Variants in MSH3 observed in about 807,000 individuals in gnomAD.
The protein encoded by MSH3 is DNA mismatch repair protein Msh3.
Under a neutral mutation model 123.3 loss-of-function variants are expected in MSH3, and 106 were observed. The ratio of observed to expected loss-of-function variants is 0.86; its 90% CI spans 0.73 to 1.01. The LOEUF is 1.01. Ranked by LOEUF, MSH3 falls within the 50% of genes least tolerant of loss-of-function variation. The pLI is 0.00. For missense variants in MSH3, 1,459 were observed against 1,347.6 expected (o/e 1.08, Z -1.29); for synonymous variants, 515 against 481.4 (o/e 1.07, Z -0.91).
chr5:80,753,583 G>C (rs1287950399), intron 12 of MSH3, among the ~76,000 whole-genome samples: 1 of 152,146 alleles, frequency 6.6e-6, no homozygotes, highest in Non-Finnish European at 1.5e-5. Flanking sequence ...ATGCTAATGT[G>C]TTCGTTAACA....
chr5:80,670,073 C>G (rs1383680103), intron 3 of MSH3, 24 bp from the exon 4 acceptor site: 1 of 1,607,292 alleles, frequency 6.2e-7, no homozygotes, highest in African/African-American at 1.3e-5. Context: ...ATTTTTAAAA[C>G]TTTATACATC....
At position 80,768,874 on chromosome 5, in the gene MSH3, C is replaced by G; in HGVS notation, c.2124C>G (p.Asp708Glu). ...DKTELFKDLS[D>E]FPLIKKRKDE... ...CTGAATTATTTAAAGACCTTTCTGA[C>G]TTCCCTTTAATAAAAAAGAGGAAGG... Residue 708 changes from aspartate to glutamate, a missense_variant, in exon 15 of 24, where the codon GAC (aspartate) becomes GAG (glutamate). Asp to Glu is a conservative substitution (Grantham distance 45). Coordinates refer to ENST00000265081, the MANE Select transcript of MSH3 (RefSeq NM_002439.5). 2 of 1,611,252 alleles carry G rather than the reference C, an allele frequency of 1.2e-6. No homozygotes were observed. The highest frequency in any genetic ancestry group is 1.7e-6 in the Non-Finnish European group (2 of 1,177,778).
chr5:80,789,736 G>T (rs1744576210), intron 18 of MSH3, among the ~76,000 whole-genome samples: 1 of 152,150 alleles, frequency 6.6e-6, no homozygotes. Context: ...TATTTAAGAA[G>T]AATAATTTAG....
intron 9 of MSH3, among the ~76,000 whole-genome samples, chr5:80,727,165 C>T (rs1004107101): frequency 6.6e-6 from 1 of 152,214 alleles, no homozygotes; most frequent in East Asian, 1.9e-4. Context: ...TAATTCTTCT[C>T]AGTCCAGATG....
chr5:80,662,312 A>G (rs950859621), intron 2 of MSH3, among the ~76,000 whole-genome samples: 3 of 152,204 alleles, frequency 2.0e-5, no homozygotes, highest in Non-Finnish European at 4.4e-5. Flanking sequence ...TGTGCACACA[A>G]TGATGAAATC....
intron 17 of MSH3, 101 bp downstream of exon 17, chr5:80,778,937 C>A: frequency 2.7e-6 from 2 of 751,102 alleles, no homozygotes; most frequent in Non-Finnish European, 4.8e-6. Context: ...AGCTCATGAC[C>A]CACCATAAAA....
At chr5:80,749,045 G>T (rs1427900802) in intron 12 of MSH3, among the ~76,000 whole-genome samples, 1 of 151,890 alleles carries the variant, frequency 6.6e-6, no homozygotes. Context: ...AAAAAAATTT[G>T]TAAAGTTTTA....
intron 20 of MSH3, among the ~76,000 whole-genome samples, chr5:80,846,974 C>G (rs1182869041): frequency 6.6e-6 from 1 of 152,082 alleles, no homozygotes; most frequent in Non-Finnish European, 1.5e-5. Context: ...GTTGGAAATG[C>G]AGAAATCACA....
Position 80,707,945 on chromosome 5 carries a change from A to G in MSH3, c.1341-17508A>G, listed in dbSNP as rs114243799. On this transcript the variant is annotated intron_variant, in intron 8 of 23. Coordinates refer to ENST00000265081, the MANE Select transcript of MSH3 (RefSeq NM_002439.5). ...TGACTAGTGATGTTTTCATGTGCCT[A>G]TTGGTTATTCATTTATGTATCTCTT... Among the ~76,000 whole-genome samples, 365 of 152,196 alleles carry G rather than the reference A, an allele frequency of 2.4e-3. 2 individuals carry two copies. The highest frequency in any genetic ancestry group is 4.1e-3 in the Admixed American group (63 of 15,282).
intron 20 of MSH3, among the ~76,000 whole-genome samples, chr5:80,831,278 T>A (rs1745413069): frequency 6.6e-6 from 1 of 152,226 alleles, no homozygotes; most frequent in Non-Finnish European, 1.5e-5. Context: ...AACATTTGTT[T>A]TTCTAATTAC....
intron 20 of MSH3, among the ~76,000 whole-genome samples, chr5:80,820,686 C>CT (rs1331908615): frequency 6.6e-6 from 1 of 152,168 alleles, no homozygotes; most frequent in African/African-American, 2.4e-5. Flanking sequence ...TGGAGCTTAA[C>CT]TAAGTTTTGC....
chr5:80,755,838 G>GTGTC lies in MSH3; in HGVS notation c.1764-5707_1764-5706insGTCT, dbSNP rs1332988374. On this transcript the variant is annotated intron_variant, in intron 12 of 23. Transcript: ENST00000265081. ...AACGTGAGACACTCAAAGGACTGTG[G>GTGTC]TCTCAGTAGAGAGGTGACAAATACG... 6.6e-5 allele frequency among the ~76,000 whole-genome samples: 10 copies of GTGTC among 152,232 alleles called. No individual in the cohort carries two copies. In the East Asian group the frequency reaches 1.9e-3, roughly 29 times the overall value.
intron 19 of MSH3, 143 bp from the exon 20 acceptor site, chr5:80,813,441 G>C: frequency 1.3e-6 from 1 of 798,344 alleles, no homozygotes; most frequent in East Asian, 2.7e-5. Context: ...AGTTCAGGTT[G>C]AAGACAGAGG....
At chr5:80,690,128 A>C (rs6864512) in intron 8 of MSH3, among the ~76,000 whole-genome samples, 69,063 of 151,928 alleles carry the variant, frequency 0.45, 15,800 homozygotes, top group East Asian at 0.63. Flanking sequence ...TATTTTGCCC[A>C]GGCTGGTCTC....
intron 20 of MSH3, among the ~76,000 whole-genome samples, chr5:80,831,618 C>G (rs1470482677): frequency 1.3e-5 from 2 of 151,816 alleles, no homozygotes; most frequent in East Asian, 1.9e-4. Flanking sequence ...CTTCCTTATA[C>G]CATCCTTCTT....
intron 8 of MSH3, among the ~76,000 whole-genome samples, chr5:80,714,296 C>T (rs911033975): frequency 4.0e-5 from 6 of 151,668 alleles, no homozygotes; most frequent in East Asian, 1.9e-4. Context: ...CCATCACACT[C>T]GGCTCATTTT....
At chr5:80,818,146 G>A (rs180937026) in intron 20 of MSH3, among the ~76,000 whole-genome samples, 1 of 152,234 alleles carries the variant, frequency 6.6e-6, no homozygotes, top group East Asian at 1.9e-4. Context: ...TTGAACTGGG[G>A]AGGTGGAGGT....
chr5:80,742,857 C>T (rs932540556), intron 11 of MSH3, among the ~76,000 whole-genome samples: 2 of 152,148 alleles, frequency 1.3e-5, no homozygotes, highest in African/African-American at 4.8e-5. Flanking sequence ...GCATTGTAAG[C>T]GTTCCCTGCT....
chr5:80,826,673 C>T lies in MSH3; in HGVS notation c.2813+12932C>T, dbSNP rs969713220. Among the ~76,000 whole-genome samples, 3 of 151,828 alleles carry T rather than the reference C, an allele frequency of 2.0e-5. No homozygotes were observed. The East Asian group carries it at 5.8e-4, about 29-fold the overall frequency. ...AAGCGATTCTCCTGCCTCAGCCTCC[C>T]AAGTAGTTGGGATTACAGGCATGTG... is the stretch of plus-strand genomic sequence containing the variant. On this transcript the variant is annotated intron_variant, in intron 20 of 23. Coordinates refer to ENST00000265081, the MANE Select transcript of MSH3 (RefSeq NM_002439.5).
Sources: allele counts gnomAD v4.1 joint callset (sites outside exome capture counted in the v4.1 genomes callset), GRCh38; gene constraint gnomAD v4.1.1; transcripts MANE v1.5; gene names NCBI Gene and HGNC (gene_info 2026-07-23, HGNC 2026-07-21).